Variants in MYEF2 observed in about 807,000 individuals in gnomAD.
The protein encoded by MYEF2 is myelin gene expression factor 2.
A neutral mutation model predicts 75.2 loss-of-function variants in MYEF2; 37 were observed. The ratio of observed to expected loss-of-function variants is 0.49; its 90% CI spans 0.38 to 0.65. The LOEUF (loss-of-function observed/expected upper bound fraction) is 0.65. Ranked by LOEUF, MYEF2 falls within the 30% of genes least tolerant of loss-of-function variation. MYEF2 has a pLI of 0.00. For missense variants in MYEF2, 634 were observed against 771.4 expected, an observed-to-expected ratio of 0.82 and a Z score of 2.11; for synonymous variants, 195 against 241.6, an observed-to-expected ratio of 0.81 and a Z score of 1.79.
Position 48,141,167 on chromosome 15 carries a change from G to C in MYEF2, c.*1741C>G, listed in dbSNP as rs1286678075. On this transcript the variant is annotated 3_prime_UTR_variant, in exon 17 of 17. Transcript: ENST00000324324. ...ATGGGCCTTACTTTATTAGCAGCAG[G>C]AACAAGCATACCAGACACAATTGCA... 1 of 1,613,898 alleles carries C rather than the reference G, an allele frequency of 6.2e-7. No individual in the cohort carries two copies.
At chr15:48,166,090 A>C in intron 4 of MYEF2, 31 bp downstream of exon 4, 5 of 1,577,560 alleles carry the variant, frequency 3.2e-6, no homozygotes, top group Non-Finnish European at 4.3e-6. Flanking sequence ...GTTTAATTTG[A>C]CTTAAGATAC....
intron 16 of MYEF2, among the ~76,000 whole-genome samples, chr15:48,143,786 A>G (rs893303484): frequency 1.3e-5 from 2 of 152,160 alleles, no homozygotes; most frequent in Admixed American, 6.6e-5. Context: ...GTCCTTATGC[A>G]GTTATAATAT....
intron 16 of MYEF2, among the ~76,000 whole-genome samples, chr15:48,144,550 T>C (rs991429627): frequency 1.3e-5 from 2 of 151,884 alleles, no homozygotes; most frequent in Non-Finnish European, 2.9e-5. Flanking sequence ...AATTACATGA[T>C]AATGGTTAAA....
Position 48,171,157 on chromosome 15 carries a change from A to G in MYEF2, c.162-2318T>C, listed in dbSNP as rs561524637. On this transcript the variant is annotated intron_variant, in intron 1 of 16. Coordinates refer to ENST00000324324, the MANE Select transcript of MYEF2 (RefSeq NM_016132.5). ...TCTCTGGTTTCTGAGTACCGCAGAT[A>G]GAAGAACAAACCTTTCTTTTCAATT... is the stretch of plus-strand genomic sequence containing the variant. 1.2e-4 allele frequency among the ~76,000 whole-genome samples: 19 copies of G among 152,366 alleles called. 1 individual carries two copies. Among genetic ancestry groups the G allele is most frequent in the African/African-American group, 4.3e-4 (18 of 41,590 alleles).
Position 48,134,798 on chromosome 15 carries a change from A to G in MYEF2, c.*8110T>C. On this transcript the variant is annotated 3_prime_UTR_variant, in exon 17 of 17. Coordinates refer to ENST00000324324, the MANE Select transcript of MYEF2 (RefSeq NM_016132.5). ...CAAAAGATAACAATATTTAACTACA[A>G]ATATATAAACAATTTTAGTATTATA... The G allele has an allele frequency of 9.3e-7, 1 of 1,080,438 alleles. No individual in the cohort carries two copies. The highest frequency in any genetic ancestry group is 1.3e-6 in the Non-Finnish European group (1 of 741,956). 66.9% of individuals were successfully genotyped at this position (1,080,438 alleles called of 1,614,324 possible).
Position 48,178,231 on chromosome 15 carries a change from C to T in MYEF2, c.7G>A (p.Asp3Asn). The T allele has an allele frequency of 1.4e-6, 2 of 1,395,620 alleles. No individual in the cohort carries two copies. Among genetic ancestry groups the T allele is most frequent in the African/African-American group, 3.1e-5 (2 of 65,552 alleles). 86.5% of individuals were successfully genotyped at this position (1,395,620 alleles called of 1,614,324 possible). A position where few individuals can be genotyped will look rare whatever the true frequency, so the allele number is the denominator to read the frequency against. The change falls in exon 1 of 17, where the codon GAC becomes AAC. Residue 3 changes from aspartate to asparagine, a missense_variant. Asp to Asn is a conservative substitution (Grantham distance 23, BLOSUM62 1). Coordinates refer to ENST00000324324, the MANE Select transcript of MYEF2 (RefSeq NM_016132.5). ...CCGGGCACCTCGGCCTTGTTGGCGT[C>T]CGCCATCCCGCCGCCGCTGCCTCCG... The part of the protein sequence containing the change: MA[D>N]ANKAEVPGAT...
intron 6 of MYEF2, 117 bp downstream of exon 6, chr15:48,159,496 T>A: frequency 1.2e-6 from 1 of 814,422 alleles, no homozygotes; most frequent in Non-Finnish European, 2.0e-6. Context: ...CAATAATTAC[T>A]ATTTCACTTA....
chr15:48,156,779 TA>T (rs1323069490), intron 9 of MYEF2, among the ~76,000 whole-genome samples: 34 of 147,072 alleles, frequency 2.3e-4, no homozygotes, highest in South Asian at 4.3e-4. Flanking sequence ...AAAAACAATT[TA>T]AAAAAAAAAG....
In MYEF2 at chr15:48,142,403, G is replaced by C; in HGVS notation, c.*505C>G. The C allele has an allele frequency of 4.9e-6, 6 of 1,225,728 alleles. No homozygotes were observed. The highest frequency in any genetic ancestry group is 6.7e-6 in the Non-Finnish European group (6 of 899,578). 75.9% of individuals were successfully genotyped at this position (1,225,728 alleles called of 1,614,324 possible). On this transcript the variant is annotated 3_prime_UTR_variant, in exon 17 of 17. Coordinates refer to ENST00000324324, the MANE Select transcript of MYEF2 (RefSeq NM_016132.5). ...TATGAATGGCAGGGAGGGGCAGAGA[G>C]AAAAATCCATTTCTTCATTTAAATC...
intron 14 of MYEF2, 150 bp downstream of exon 14, chr15:48,150,950 G>C (rs1018042637): frequency 4.1e-5 from 19 of 465,234 alleles, no homozygotes; most frequent in Non-Finnish European, 6.9e-5. Flanking sequence ...AAACAGAAAG[G>C]CTTTGCTCAA....
intron 9 of MYEF2, 64 bp downstream of exon 9, chr15:48,157,929 C>G: frequency 6.2e-7 from 1 of 1,601,634 alleles, no homozygotes; most frequent in Non-Finnish European, 8.5e-7. Flanking sequence ...CAAAGTGTTG[C>G]TTAGCACATA....
At chr15:48,167,482 A>AGT in intron 2 of MYEF2, 81 bp from the exon 3 acceptor site, 5 of 1,302,750 alleles carry the variant, frequency 3.8e-6, no homozygotes, top group Non-Finnish European at 5.5e-6. Context: ...ACACCTGTGC[A>AGT]CAACTCTACA....
intron 2 of MYEF2, among the ~76,000 whole-genome samples, chr15:48,168,351 A>G (rs2040205516): frequency 6.6e-6 from 1 of 152,120 alleles, no homozygotes; most frequent in Non-Finnish European, 1.5e-5. Context: ...AATCTATAAA[A>G]ACTTCAACTA....
In MYEF2 at chr15:48,138,818, A is replaced by G. The variant is rs183688858; in HGVS notation, c.*4090T>C. The G allele has an allele frequency of 8.1e-5, 49 of 603,522 alleles. No homozygotes were observed. The East Asian group carries it at 1.4e-3, about 17-fold the overall frequency. 37.4% of individuals were successfully genotyped at this position (603,522 alleles called of 1,614,324 possible). The stretch of plus-strand genomic sequence containing the variant: ...AAGTTTCAATTAGTTTCTTTTCACC[A>G]GCAATATCAGTAATGAGGTACTCAA... On this transcript the variant is annotated 3_prime_UTR_variant, in exon 17 of 17. Coordinates refer to ENST00000324324, the MANE Select transcript of MYEF2 (RefSeq NM_016132.5).
Position 48,151,289 on chromosome 15 carries a change from T to C in MYEF2, c.1307-118A>G, listed in dbSNP as rs1943786095. Reference sequence around the variant, plus strand: ...TGAAAAGCATAAAGTCTTCTGAAAATAGAGTTCAAATATGTAAGATGTTGA... The same window carrying C: ...TGAAAAGCATAAAGTCTTCTGAAAACAGAGTTCAAATATGTAAGATGTTGA... On this transcript the variant is annotated intron_variant, in intron 13 of 16. Transcript: ENST00000324324. 5 of 1,074,562 alleles carry C rather than the reference T, an allele frequency of 4.7e-6. No homozygotes were observed. In the Admixed American group the frequency reaches 6.8e-5, roughly 15 times the overall value. 66.6% of individuals were successfully genotyped at this position (1,074,562 alleles called of 1,614,324 possible).
rs931558964 is a variant in MYEF2, at chr15:48,141,434, G to A, written c.*1474C>T. 5.4e-5 allele frequency: 18 copies of A among 332,292 alleles called. No homozygotes were observed. The highest frequency in any genetic ancestry group is 3.1e-4 in the Admixed American group (7 of 22,250). 20.6% of individuals were successfully genotyped at this position (332,292 alleles called of 1,614,324 possible). ...TCTACTAAAAATACAAAAATTAGCCGGGCGTGGTGGCATGTGCCTGTAATC... is the reference window on the plus strand; with the variant it reads ...TCTACTAAAAATACAAAAATTAGCCAGGCGTGGTGGCATGTGCCTGTAATC... On this transcript the variant is annotated 3_prime_UTR_variant, in exon 17 of 17. Coordinates refer to ENST00000324324, the MANE Select transcript of MYEF2 (RefSeq NM_016132.5).
chr15:48,140,870 A>G lies in MYEF2; in HGVS notation c.*2038T>C, dbSNP rs1001633668. ...TCAAACAGGAAAATTTCTCACTGGC[A>G]GAATTTTAGCTGTTACGTATCTTTA... On this transcript the variant is annotated 3_prime_UTR_variant, in exon 17 of 17. Coordinates refer to ENST00000324324, the MANE Select transcript of MYEF2 (RefSeq NM_016132.5). The G allele has an allele frequency of 1.4e-5, 5 of 361,328 alleles. No homozygotes were observed. The highest frequency in any genetic ancestry group is 2.6e-5 in the Non-Finnish European group (5 of 194,688). 22.4% of individuals were successfully genotyped at this position (361,328 alleles called of 1,614,324 possible).
At chr15:48,175,438 C>T (rs939399283) in intron 1 of MYEF2, among the ~76,000 whole-genome samples, 3 of 152,036 alleles carry the variant, frequency 2.0e-5, no homozygotes, top group African/African-American at 7.2e-5. Flanking sequence ...TTGAAATTTG[C>T]TTAAAGAATA....
chr15:48,155,496 C>A (rs553013798), intron 9 of MYEF2, among the ~76,000 whole-genome samples: 1 of 151,948 alleles, frequency 6.6e-6, no homozygotes, highest in Non-Finnish European at 1.5e-5. Flanking sequence ...AGTATTGGAT[C>A]TAAGACAATT....
Sources: gnomAD v4.1 joint callset for allele counts (sites outside exome capture counted in the v4.1 genomes callset) on GRCh38, gnomAD v4.1.1 for gene constraint, MANE v1.5 for transcripts, NCBI Gene and HGNC (gene_info 2026-07-23, HGNC 2026-07-21) for gene names.